The following ATP8A2 variants were observed in gnomAD, a reference collection of about 807,000 sequenced individuals.
ATP8A2 encodes the protein phospholipid-transporting ATPase IB.
ATP8A2 carries 100 observed loss-of-function variants against 165.6 expected under a neutral mutation model. The observed-to-expected ratio is 0.60, with a 90% CI of 0.51 to 0.71. ATP8A2 has a LOEUF of 0.71. Among genes scored for constraint, ATP8A2 ranks in the 30% least tolerant of loss-of-function variants. The probability of loss-of-function intolerance (pLI) is 0.00; values close to 1 mark genes in which losing one functional copy is unlikely to be tolerated. For synonymous variants in ATP8A2, 543 were observed against 548.8 expected, an observed-to-expected ratio of 0.99 and a Z score of 0.15; for missense variants, 1,227 against 1,479.5, an observed-to-expected ratio of 0.83 and a Z score of 2.80.
intron 33 of ATP8A2, among the ~76,000 whole-genome samples, chr13:25,939,978 C>A (rs746717042): frequency 6.6e-6 from 1 of 152,158 alleles, no homozygotes; most frequent in Admixed American, 6.5e-5. Flanking sequence ...TCGTCCCCAC[C>A]ATCTGCTTGA....
chr13:25,492,925 C>A (rs34782553), intron 2 of ATP8A2, among the ~76,000 whole-genome samples: 41,560 of 152,092 alleles, frequency 0.27, 6,814 homozygotes, highest in Middle Eastern at 0.4. Context: ...TGCTTTAGTG[C>A]CTGCACGAGG....
intron 27 of ATP8A2, among the ~76,000 whole-genome samples, chr13:25,799,179 G>A (rs1423762042): frequency 6.6e-6 from 1 of 152,164 alleles, no homozygotes; most frequent in East Asian, 1.9e-4. Context: ...CAGCAGGCTT[G>A]GCCTAGGGTA....
intron 24 of ATP8A2, among the ~76,000 whole-genome samples, chr13:25,669,607 G>A (rs2042222979): frequency 6.6e-6 from 1 of 152,158 alleles, no homozygotes; most frequent in East Asian, 1.9e-4. Context: ...AGCTTCCACA[G>A]CGTATACATT....
intron 25 of ATP8A2, among the ~76,000 whole-genome samples, chr13:25,768,090 TG>T (rs1413005520): frequency 8.7e-5 from 2 of 23,092 alleles, no homozygotes; most frequent in South Asian, 2.0e-3. Context: ...GGGGGGGTGG[TG>T]GGGGGGCAAG....
At chr13:25,549,122 ACT>A (rs1422847797) in intron 10 of ATP8A2, among the ~76,000 whole-genome samples, 2 of 152,060 alleles carry the variant, frequency 1.3e-5, no homozygotes, top group African/African-American at 4.8e-5. Flanking sequence ...TGCCTTACAA[ACT>A]CTCAGATTAT....
intron 33 of ATP8A2, among the ~76,000 whole-genome samples, chr13:25,957,252 A>G (rs1168586751): frequency 6.6e-6 from 1 of 152,258 alleles, no homozygotes; most frequent in Non-Finnish European, 1.5e-5. Flanking sequence ...AATGGCAACA[A>G]AAGCCAAAAT....
chr13:25,717,820 G>T (rs1157311539), intron 25 of ATP8A2, among the ~76,000 whole-genome samples: 1 of 152,174 alleles, frequency 6.6e-6, no homozygotes, highest in African/African-American at 2.4e-5. Flanking sequence ...TGTAGTATGT[G>T]CTTGGTTGTG....
At chr13:25,463,840 C>T (rs899152418) in intron 1 of ATP8A2, among the ~76,000 whole-genome samples, 1 of 152,174 alleles carries the variant, frequency 6.6e-6, no homozygotes, top group Non-Finnish European at 1.5e-5. Flanking sequence ...CCCTCCCCTT[C>T]CACCCCCTCA....
intron 35 of ATP8A2, among the ~76,000 whole-genome samples, chr13:25,975,311 C>T (rs565346184): frequency 2.4e-4 from 37 of 152,250 alleles, no homozygotes; most frequent in Middle Eastern, 3.4e-3. Context: ...CGGTGGCTCA[C>T]GCCTGTAATC....
At chr13:25,922,667 C>T (rs1954492342) in intron 33 of ATP8A2, among the ~76,000 whole-genome samples, 1 of 152,184 alleles carries the variant, frequency 6.6e-6, no homozygotes, top group Non-Finnish European at 1.5e-5. Flanking sequence ...GACGTTCTCG[C>T]ATTCTTTTTC....
intron 25 of ATP8A2, among the ~76,000 whole-genome samples, chr13:25,721,116 T>C (rs2043371847): frequency 6.6e-6 from 1 of 151,916 alleles, no homozygotes; most frequent in South Asian, 2.1e-4. Flanking sequence ...CCACCACAAA[T>C]GGCTCATTAT....
chr13:25,791,351 G>T (rs145625556), intron 27 of ATP8A2, among the ~76,000 whole-genome samples: 1 of 152,188 alleles, frequency 6.6e-6, no homozygotes, highest in African/African-American at 2.4e-5. Context: ...CAGACACAAA[G>T]AAGGGAATAA....
chr13:25,382,456 G>A (rs1212752631), intron 1 of ATP8A2, among the ~76,000 whole-genome samples: 1 of 152,194 alleles, frequency 6.6e-6, no homozygotes, highest in Admixed American at 6.5e-5. Context: ...TCCAAGGAGT[G>A]TGATTGCTGG....
chr13:25,479,588 T>C (rs2036098936), intron 2 of ATP8A2, among the ~76,000 whole-genome samples: 1 of 152,014 alleles, frequency 6.6e-6, no homozygotes, highest in Non-Finnish European at 1.5e-5. Context: ...GGTCAGCAGA[T>C]AAACAAGTGA....
intron 23 of ATP8A2, among the ~76,000 whole-genome samples, chr13:25,586,677 A>G (rs773195243): frequency 1.3e-5 from 2 of 152,226 alleles, no homozygotes; most frequent in African/African-American, 2.4e-5. Context: ...GGTTGGTACC[A>G]TGTTGAATCC....
At chr13:25,903,940 G>A (rs1953848314) in intron 33 of ATP8A2, among the ~76,000 whole-genome samples, 1 of 152,146 alleles carries the variant, frequency 6.6e-6, no homozygotes, top group African/African-American at 2.4e-5. Context: ...TAGTTTTTAA[G>A]TAAATGAATG....
intron 6 of ATP8A2, among the ~76,000 whole-genome samples, chr13:25,533,700 G>T (rs888786249): frequency 1.3e-5 from 2 of 152,162 alleles, no homozygotes; most frequent in Admixed American, 1.3e-4. Context: ...TGGTGGAAAG[G>T]GGGCAAGAAA....
At chr13:25,610,198 G>A (rs906610713) in intron 24 of ATP8A2, among the ~76,000 whole-genome samples, 1 of 152,126 alleles carries the variant, frequency 6.6e-6, no homozygotes, top group African/African-American at 2.4e-5. Flanking sequence ...CTAAGGCAAT[G>A]TCTACAGGGG....
At chr13:25,800,707 C>T (rs1275168344) in intron 27 of ATP8A2, among the ~76,000 whole-genome samples, 1 of 152,130 alleles carries the variant, frequency 6.6e-6, no homozygotes, top group African/African-American at 2.4e-5. Context: ...CGCCGTCATG[C>T]TGAGTGTTTC....
Sources: gnomAD v4.1 joint callset for allele counts (sites outside exome capture counted in the v4.1 genomes callset) on GRCh38, gnomAD v4.1.1 for gene constraint, MANE v1.5 for transcripts, NCBI Gene and HGNC (gene_info 2026-07-23, HGNC 2026-07-21) for gene names.